Variants in TEX14 observed in about 807,000 individuals in gnomAD.
The protein encoded by TEX14 is testis expressed 14, intercellular bridge forming factor.
Under a neutral mutation model 178.6 loss-of-function variants are expected in TEX14, and 168 were observed. The observed-to-expected ratio is 0.94, with a 90% CI of 0.83 to 1.07. TEX14 has a LOEUF of 1.07. TEX14 is among the 50% of genes least tolerant of loss of function. TEX14 has a pLI of 0.00. For synonymous variants in TEX14, 626 were observed against 634.1 expected (o/e 0.99, Z 0.19); for missense variants, 1,730 against 1,753.6 (o/e 0.99, Z 0.24).
chr17:58,567,285 G>C (rs1343886128), intron 26 of TEX14, among the ~76,000 whole-genome samples: 2 of 152,162 alleles, frequency 1.3e-5, no homozygotes, highest in Admixed American at 6.5e-5. Flanking sequence ...GCAAAGCAAA[G>C]CAAGTTGGGA....
intron 5 of TEX14, among the ~76,000 whole-genome samples, chr17:58,620,153 C>G (rs565832448): frequency 6.6e-6 from 1 of 151,986 alleles, no homozygotes; most frequent in Non-Finnish European, 1.5e-5. Context: ...CTCTGAAGGA[C>G]GGGTCTCCAT....
rs781678119 is a variant in TEX14, at chr17:58,599,043, G to A, written c.2302C>T (p.Arg768Cys). The stretch of plus-strand genomic sequence containing the variant: ...CTTGAAGTGGCCCATAAAGACATGC[G>A]CTCTTCCTGTTCCTTCTGTTTCATC... ...VEMKQKEQEE[R>C]MSLWATSREF... The change falls in exon 14 of 32, where the codon CGC becomes TGC. Residue 768 changes from arginine to cysteine, a missense_variant. Arg to Cys is a radical substitution (Grantham distance 180, BLOSUM62 -3). This residue lies in a region of TEX14 where 941 missense variants were observed against 1,072.4 expected (regional missense o/e 0.88). Transcript: ENST00000349033. The A allele has an allele frequency of 8.1e-6, 13 of 1,613,996 alleles. No individual in the cohort carries two copies. Among genetic ancestry groups the A allele is most frequent in the East Asian group, 6.7e-5 (3 of 44,892 alleles).
chr17:58,616,351 A>T, intron 6 of TEX14, 46 bp from the exon 7 acceptor site: 2 of 1,594,518 alleles, frequency 1.3e-6, no homozygotes, highest in Non-Finnish European at 1.7e-6. Context: ...AGGGGGGAAA[A>T]GCAGAATACA....
intron 19 of TEX14, among the ~76,000 whole-genome samples, chr17:58,580,121 GA>G (rs1388940741): frequency 1.3e-5 from 2 of 152,202 alleles, no homozygotes; most frequent in East Asian, 3.8e-4. Flanking sequence ...GTTCCTTTTG[GA>G]AGAGGCAGTG....
chr17:58,598,022 C>A (rs2045330745), intron 14 of TEX14, among the ~76,000 whole-genome samples: 1 of 151,954 alleles, frequency 6.6e-6, no homozygotes, highest in African/African-American at 2.4e-5. Flanking sequence ...TCATCAGAAC[C>A]CAGAGTCTAG....
intron 29 of TEX14, among the ~76,000 whole-genome samples, chr17:58,560,682 C>T (rs1051621393): frequency 6.6e-6 from 1 of 152,220 alleles, no homozygotes; most frequent in South Asian, 2.1e-4. Context: ...AGCCTCTCAG[C>T]TCCTTCAGCT....
At chr17:58,663,816 C>T (rs576473847) in intron 1 of TEX14, among the ~76,000 whole-genome samples, 1 of 152,184 alleles carries the variant, frequency 6.6e-6, no homozygotes, top group Non-Finnish European at 1.5e-5. Context: ...CAAATCCATT[C>T]ACTCCTGAAA....
At chr17:58,656,104 C>T (rs2046952751) in intron 1 of TEX14, among the ~76,000 whole-genome samples, 1 of 152,154 alleles carries the variant, frequency 6.6e-6, no homozygotes, top group Admixed American at 6.6e-5. Context: ...AGTTTGAGAC[C>T]AGCCTGGGCA....
At chr17:58,645,370 T>A (rs1208686445) in intron 2 of TEX14, among the ~76,000 whole-genome samples, 1 of 151,698 alleles carries the variant, frequency 6.6e-6, no homozygotes, top group Non-Finnish European at 1.5e-5. Context: ...TATAATTTTT[T>A]TTTTTTGAGA....
chr17:58,687,766 G>A (rs954186067), intron 1 of TEX14, among the ~76,000 whole-genome samples: 16 of 152,016 alleles, frequency 1.1e-4, no homozygotes, highest in Admixed American at 8.5e-4. Flanking sequence ...AAAATGTCTC[G>A]TTATTGGAAT....
chr17:58,566,189 G>A (rs34382037), intron 26 of TEX14, among the ~76,000 whole-genome samples: 3 of 152,040 alleles, frequency 2.0e-5, no homozygotes, highest in African/African-American at 7.2e-5. Flanking sequence ...CAGGTGTCAG[G>A]TTCTGTTTCT....
chr17:58,626,077 G>A (rs2046131777), intron 3 of TEX14, among the ~76,000 whole-genome samples: 1 of 152,050 alleles, frequency 6.6e-6, no homozygotes, highest in Non-Finnish European at 1.5e-5. Flanking sequence ...TTAAAAACTG[G>A]GATTTCCGGC....
Position 58,611,180 on chromosome 17 carries a change from G to C in TEX14, c.1165C>G (p.Leu389Val), listed in dbSNP as rs2045736061. The C allele has an allele frequency of 6.2e-7, 1 of 1,613,568 alleles. No homozygotes were observed. Among genetic ancestry groups the C allele is most frequent in the Non-Finnish European group, 8.5e-7 (1 of 1,179,544 alleles). Residue 389 changes from leucine to valine, a missense_variant, in exon 10 of 32, where the codon CTG becomes GTG. By Grantham distance (32) the Leu-to-Val change is conservative. This residue lies in a region of TEX14 where 789 missense variants were observed against 681.2 expected (regional missense o/e 1.16). Transcript: ENST00000349033. ...GCCCACCTTTCCAACATGTACTCCA[G>C]GTTGGTCAGCCTCGCTTCACCTGGG... ...ISPGEARLTN[L>V]EYMLESEDRG...
Position 58,574,212 on chromosome 17 carries a change from G to A in TEX14, c.3358C>T (p.Pro1120Ser). The change falls in exon 22 of 32, where the codon CCA becomes TCA. Residue 1120 changes from proline (P) to serine (S), a missense_variant. Transcript: ENST00000349033. Reference sequence around the variant, plus strand: ...ATGTCTTTCTCTTTCAGTTCCTTTGGTGACTCCTTTGATGTCTCTTCTTGT... The same window carrying A: ...ATGTCTTTCTCTTTCAGTTCCTTTGATGACTCCTTTGATGTCTCTTCTTGT... ...DEQEETSKES[P>S]KELKEKDISL... 1 of 1,613,466 alleles carries A rather than the reference G, an allele frequency of 6.2e-7. No homozygotes were observed. Among genetic ancestry groups the A allele is most frequent in the Non-Finnish European group, 8.5e-7 (1 of 1,179,590 alleles).
intron 1 of TEX14, among the ~76,000 whole-genome samples, chr17:58,666,329 T>C (rs112979152): frequency 0.018 from 2,743 of 150,686 alleles, 38 homozygotes; most frequent in Non-Finnish European, 0.03. Flanking sequence ...GCCTGGAAAA[T>C]AGAGCAAGAC....
chr17:58,630,457 A>G lies in TEX14; in HGVS notation c.234T>C (p.Tyr78=), dbSNP rs1197687173. 7 of 1,612,938 alleles carry G rather than the reference A, an allele frequency of 4.3e-6. No individual in the cohort carries two copies. In the East Asian group the frequency reaches 1.6e-4, roughly 36 times the overall value. ...LRKFVDVLVD[Y]GSDPNHRCFD... ...GTACTTACTGATTTGGATCTGATCC[A>G]TAATCCACCAGAACATCAACGAATT... Residue 78 remains tyrosine, a synonymous_variant, in exon 3 of 32, where the codon TAT becomes TAC. Coordinates refer to ENST00000349033, the MANE Select transcript of TEX14 (RefSeq NM_031272.5).
At chr17:58,668,294 C>T (rs745914118) in intron 1 of TEX14, among the ~76,000 whole-genome samples, 14 of 152,234 alleles carry the variant, frequency 9.2e-5, no homozygotes, top group Non-Finnish European at 1.6e-4. Context: ...CCCATTGCAG[C>T]GGTCTCTATA....
At chr17:58,656,552 G>A (rs905121333) in intron 1 of TEX14, among the ~76,000 whole-genome samples, 2 of 151,688 alleles carry the variant, frequency 1.3e-5, no homozygotes, top group African/African-American at 4.8e-5. Flanking sequence ...TCGGGAGTTC[G>A]AGACCAGCCT....
At chr17:58,660,865 G>A in intron 1 of TEX14, 2 of 795,752 alleles carry the variant, frequency 2.5e-6, no homozygotes, top group Non-Finnish European at 4.6e-6. Flanking sequence ...GAGTGAGAAT[G>A]AAGGGTTTCA....
Sources: gnomAD v4.1 joint callset for allele counts (sites outside exome capture counted in the v4.1 genomes callset) on GRCh38, gnomAD v4.1.1 for gene constraint, gnomAD v4.1.1 regional missense constraint, MANE v1.5 for transcripts, NCBI Gene and HGNC (gene_info 2026-07-23, HGNC 2026-07-21) for gene names.